Variants in SRPK2 observed in about 807,000 individuals in gnomAD.
The protein encoded by SRPK2 is SFRS protein kinase 2.
In SRPK2, 21 loss-of-function variants were observed where a neutral mutation model predicts 90.8. That is an observed-to-expected ratio of 0.23 (90% CI 0.16 to 0.33). The LOEUF (loss-of-function observed/expected upper bound fraction) is 0.33. SRPK2 is among the 10% of genes least tolerant of loss of function. SRPK2 has a pLI of 1.00. For missense variants in SRPK2, 620 were observed against 869.0 expected, an observed-to-expected ratio of 0.71 and a Z score of 3.60; for synonymous variants, 288 against 311.1, an observed-to-expected ratio of 0.93 and a Z score of 0.78.
intron 2 of SRPK2, among the ~76,000 whole-genome samples, chr7:105,385,594 A>G (rs1821484143): frequency 6.6e-6 from 1 of 152,076 alleles, no homozygotes; most frequent in Non-Finnish European, 1.5e-5. Context: ...TGGGCCACTC[A>G]GGCCACTCTT....
upstream of SRPK2, chr7:105,389,439 C>T (rs753383502): frequency 2.1e-4 from 245 of 1,192,092 alleles, no homozygotes; most frequent in Non-Finnish European, 2.5e-4. Context: ...AACCTGGGTC[C>T]GCGATTAGCG....
chr7:105,230,307 A>T (rs1451823498), intron 2 of SRPK2, among the ~76,000 whole-genome samples: 3 of 152,224 alleles, frequency 2.0e-5, no homozygotes, highest in Non-Finnish European at 4.4e-5. Flanking sequence ...AAGGGCGGAC[A>T]AACAGCTGCA....
Position 105,203,704 on chromosome 7 carries a change from G to A in SRPK2, c.153C>T (p.Pro51=). 3 of 1,599,432 alleles carry A rather than the reference G, an allele frequency of 1.9e-6. No individual in the cohort carries two copies. The highest frequency in any genetic ancestry group is 2.6e-6 in the Non-Finnish European group (3 of 1,173,542). Residue 51 remains proline (P), a synonymous_variant, in exon 3 of 16, where the codon CCC becomes CCT. Transcript: ENST00000393651. ...TCTCCTCCTCTGGCTCCGGGGGTGT[G>A]GGGTCTGGCAAAGGTGGCGGTGGTG... The part of the protein sequence containing the change: ...PPPPPPPLPD[P]TPPEPEEEIL...
chr7:105,202,307 A>G (rs1437077603), intron 3 of SRPK2, among the ~76,000 whole-genome samples: 2 of 152,242 alleles, frequency 1.3e-5, no homozygotes, highest in African/African-American at 4.8e-5. Flanking sequence ...ATTAAGACAT[A>G]TGGAACCCAA....
intron 2 of SRPK2, among the ~76,000 whole-genome samples, chr7:105,351,182 C>A (rs1369374818): frequency 1.3e-5 from 2 of 151,904 alleles, no homozygotes; most frequent in South Asian, 4.2e-4. Context: ...GAGGAAGAGA[C>A]CTGAGCTAGC....
chr7:105,266,193 C>A (rs117869020), intron 2 of SRPK2, among the ~76,000 whole-genome samples: 1 of 151,990 alleles, frequency 6.6e-6, no homozygotes, highest in African/African-American at 2.4e-5. Context: ...TACTTCAAAT[C>A]GTATGTATAT....
At chr7:105,243,630 C>CAA (rs767760238) in intron 2 of SRPK2, among the ~76,000 whole-genome samples, 42 of 55,470 alleles carry the variant, frequency 7.6e-4, no homozygotes, top group Non-Finnish European at 1.0e-3. Flanking sequence ...GACTCCATCT[C>CAA]AAAAAAAAAA....
At chr7:105,279,848 A>G (rs527601876) in intron 2 of SRPK2, among the ~76,000 whole-genome samples, 1 of 152,310 alleles carries the variant, frequency 6.6e-6, no homozygotes, top group African/African-American at 2.4e-5. Context: ...TAGAAGTAAC[A>G]CAAGTTCTTA....
intron 2 of SRPK2, among the ~76,000 whole-genome samples, chr7:105,239,884 T>C (rs1343648803): frequency 6.6e-6 from 1 of 152,192 alleles, no homozygotes; most frequent in Non-Finnish European, 1.5e-5. Context: ...ACTACTTACC[T>C]ACAGGCTATT....
At chr7:105,392,191 G>C (rs981417754), upstream of SRPK2, among the ~76,000 whole-genome samples, 7 of 152,180 alleles carry the variant, frequency 4.6e-5, no homozygotes, top group African/African-American at 1.7e-4. Flanking sequence ...CCAGGAGTTG[G>C]GGGGTGGGAG....
chr7:105,306,608 G>T, intron 2 of SRPK2: 1 of 411,498 alleles, frequency 2.4e-6, no homozygotes, highest in South Asian at 1.8e-5. Context: ...GAAAAAACAT[G>T]TTGGCTAACT....
chr7:105,217,195 T>C (rs1232108006), intron 2 of SRPK2, among the ~76,000 whole-genome samples: 1 of 152,254 alleles, frequency 6.6e-6, no homozygotes, highest in African/African-American at 2.4e-5. Context: ...CCTCTGCTTC[T>C]AAATCTATGT....
At chr7:105,318,300 G>A (rs1045858848) in intron 2 of SRPK2, among the ~76,000 whole-genome samples, 8 of 151,916 alleles carry the variant, frequency 5.3e-5, no homozygotes, top group African/African-American at 1.7e-4. Context: ...TCAGCATGTT[G>A]GCCAGGCTGG....
intron 2 of SRPK2, among the ~76,000 whole-genome samples, chr7:105,311,981 A>G (rs2131395565): frequency 6.6e-6 from 1 of 152,356 alleles, no homozygotes; most frequent in East Asian, 1.9e-4. Context: ...GAGTAAACAA[A>G]TTGTGGTACA....
chr7:105,350,928 A>G (rs1273775819), intron 2 of SRPK2, among the ~76,000 whole-genome samples: 1 of 152,206 alleles, frequency 6.6e-6, no homozygotes, highest in Non-Finnish European at 1.5e-5. Flanking sequence ...ATACTACATT[A>G]AAGTTTACAG....
chr7:105,374,694 C>T (rs2132510753), intron 2 of SRPK2, among the ~76,000 whole-genome samples: 1 of 152,256 alleles, frequency 6.6e-6, no homozygotes, highest in South Asian at 2.1e-4. Flanking sequence ...CAACCTCCAC[C>T]TCCCGGGTTC....
chr7:105,297,973 C>T (rs753170859), intron 2 of SRPK2, among the ~76,000 whole-genome samples: 2 of 152,186 alleles, frequency 1.3e-5, no homozygotes, highest in Non-Finnish European at 2.9e-5. Context: ...AACTCCTGAC[C>T]TCGTGATCTG....
At chr7:105,319,122 TA>T (rs1812620095) in intron 2 of SRPK2, among the ~76,000 whole-genome samples, 1 of 152,190 alleles carries the variant, frequency 6.6e-6, no homozygotes, top group Non-Finnish European at 1.5e-5. Context: ...ATTTCAAAAT[TA>T]ATTTGGAAAT....
chr7:105,159,484 GGAAGAA>G lies in SRPK2; in HGVS notation c.621+1017_621+1022del, dbSNP rs1807219514. ...AAAAAAAAAAAAAAACCGTACAAAA[GGAAGAA>G]GAGATGAACACACAGGCAGGCTAAA... On this transcript the variant is annotated intron_variant, in intron 7 of 15. Coordinates refer to ENST00000393651, the MANE Select transcript of SRPK2 (RefSeq NM_182692.3). Among the ~76,000 whole-genome samples the G allele has an allele frequency of 3.2e-5, 3 of 94,242 alleles. No individual in the cohort carries two copies. In the Admixed American group the frequency reaches 3.5e-4, roughly 11 times the overall value. The allele number at this position is 94,242 out of a possible 152,430, so 61.8% of individuals were successfully genotyped here. A position where few individuals can be genotyped will look rare whatever the true frequency, so the allele number is the denominator to read the frequency against.
Sources: gnomAD v4.1 joint callset for allele counts (sites outside exome capture counted in the v4.1 genomes callset) on GRCh38, gnomAD v4.1.1 for gene constraint, MANE v1.5 for transcripts, NCBI Gene and HGNC (gene_info 2026-07-23, HGNC 2026-07-21) for gene names.